Variants in ESRP1 observed in about 807,000 individuals in gnomAD.
The protein encoded by ESRP1 is epithelial splicing regulatory protein 1.
A neutral mutation model predicts 81.7 loss-of-function variants in ESRP1; 33 were observed. The observed-to-expected ratio is 0.40, with a 90% CI of 0.31 to 0.54. The LOEUF (loss-of-function observed/expected upper bound fraction) is 0.54. Ranked by LOEUF, ESRP1 falls within the 20% of genes least tolerant of loss-of-function variation. ESRP1 has a pLI of 0.41. For synonymous variants in ESRP1, 320 were observed against 303.3 expected (o/e 1.06, Z -0.57); for missense variants, 672 against 833.1 (o/e 0.81, Z 2.38).
Position 94,641,454 on chromosome 8 carries a change from T to G in ESRP1, c.132+4T>G. 1 of 1,613,694 alleles carries G rather than the reference T, an allele frequency of 6.2e-7. No homozygotes were observed. The highest frequency in any genetic ancestry group is 8.5e-7 in the Non-Finnish European group (1 of 1,179,804). ...CGTGGATCTGGCCAACAAGAAGGTA[T>G]TTCTCCACATTTTCGTCTAAATGCA... is the stretch of plus-strand genomic sequence containing the variant. On this transcript the variant is annotated splice_donor_region_variant and intron_variant, in intron 1 of 15. Coordinates refer to ENST00000433389, the MANE Select transcript of ESRP1 (RefSeq NM_017697.4).
chr8:94,646,349 C>CT, intron 4 of ESRP1, 67 bp downstream of exon 4: 1 of 1,087,640 alleles, frequency 9.2e-7, no homozygotes, highest in Non-Finnish European at 1.3e-6. Context: ...ATTCAAGAAA[C>CT]TTTCAAACAT....
chr8:94,683,673 ATAATAG>A (rs1464654089), intron 13 of ESRP1, among the ~76,000 whole-genome samples: 1 of 152,226 alleles, frequency 6.6e-6, no homozygotes, highest in Non-Finnish European at 1.5e-5. Flanking sequence ...GATGCTAGAA[ATAATAG>A]TAATAGTGAT....
intron 14 of ESRP1, among the ~76,000 whole-genome samples, chr8:94,695,685 T>C (rs978757433): frequency 1.4e-5 from 2 of 146,322 alleles, no homozygotes; most frequent in Non-Finnish European, 2.9e-5. Flanking sequence ...CTATCTGTTC[T>C]GAAGCTGAAG....
In ESRP1 at chr8:94,650,263, G is replaced by GTT. The variant is rs137931621; in HGVS notation, c.490+3989_490+3990dup. Among the ~76,000 whole-genome samples the GTT allele has an allele frequency of 3.5e-4, 47 of 135,100 alleles. 1 individual carries two copies. Among genetic ancestry groups the GTT allele is most frequent in the Middle Eastern group, 3.6e-3 (1 of 274 alleles). 88.6% of individuals were successfully genotyped at this position (135,100 alleles called of 152,430 possible). A position where few individuals can be genotyped will look rare whatever the true frequency, so the allele number is the denominator to read the frequency against. The stretch of plus-strand genomic sequence containing the variant: ...AGTATAGAATTTTTTTGTTTGTTTT[G>GTT]TTTTTTTTTACCTGCTACCTTAAAG... On this transcript the variant is annotated intron_variant, in intron 4 of 15. Transcript: ENST00000433389.
At position 94,651,261 on chromosome 8, in the gene ESRP1, T is replaced by G. The variant is rs921860510; in HGVS notation, c.490+4979T>G. On this transcript the variant is annotated intron_variant, in intron 4 of 15. Coordinates refer to ENST00000433389, the MANE Select transcript of ESRP1 (RefSeq NM_017697.4). ...GGTCTTTTTTTTTTTTTTTTTTTTTTGGGCAAAGTCTCACTTTTGCTCAGG... is the reference window on the plus strand; with the variant it reads ...GGTCTTTTTTTTTTTTTTTTTTTTTGGGGCAAAGTCTCACTTTTGCTCAGG... Among the ~76,000 whole-genome samples, 13 of 132,862 alleles carry G rather than the reference T, an allele frequency of 9.8e-5. No homozygotes were observed. In the South Asian group the frequency reaches 1.1e-3, roughly 11 times the overall value. The allele number at this position is 132,862 out of a possible 152,430, so 87.2% of individuals were successfully genotyped here.
At chr8:94,690,210 A>C (rs571675067) in intron 13 of ESRP1, among the ~76,000 whole-genome samples, 1 of 150,896 alleles carries the variant, frequency 6.6e-6, no homozygotes, top group South Asian at 2.1e-4. Flanking sequence ...TCCTGGCCTA[A>C]AGTGATCACC....
intron 13 of ESRP1, among the ~76,000 whole-genome samples, chr8:94,686,535 G>C (rs1322128732): frequency 1.3e-5 from 2 of 152,150 alleles, no homozygotes; most frequent in Non-Finnish European, 2.9e-5. Context: ...TCCAGCTCAA[G>C]GACAGTCTCC....
At chr8:94,699,556 A>G (rs947394153) in intron 15 of ESRP1, among the ~76,000 whole-genome samples, 2 of 152,068 alleles carry the variant, frequency 1.3e-5, no homozygotes, top group Non-Finnish European at 2.9e-5. Context: ...AGGAGGGTCA[A>G]TTGAGTCCAG....
intron 15 of ESRP1, among the ~76,000 whole-genome samples, chr8:94,697,720 C>A (rs1809659973): frequency 1.3e-5 from 2 of 152,112 alleles, no homozygotes; most frequent in Admixed American, 1.3e-4. Flanking sequence ...GGAGTATAAT[C>A]ACTGAGTCAT....
rs12677519 is a variant in ESRP1 at position 94,678,351 on chromosome 8, T to G, written c.1800T>G (p.Asn600Lys). 6.2e-7 allele frequency: 1 copy of G among 1,613,684 alleles called. No individual in the cohort carries two copies. The highest frequency in any genetic ancestry group is 8.5e-7 in the Non-Finnish European group (1 of 1,179,818). ...YYPAGTQLFM[N>K]YTAYYPSPPG... ...CAGCAGGCACTCAGCTCTTCATGAA[T>G]TACACAGCGTACTATCCCAGGTAAG... Residue 600 changes from asparagine to lysine, a missense_variant, in exon 13 of 16, where the codon AAT becomes AAG. Asn to Lys is a moderately conservative substitution (Grantham distance 94). Coordinates refer to ENST00000433389, the MANE Select transcript of ESRP1 (RefSeq NM_017697.4).
chr8:94,704,548 G>C (rs769037314), intron 15 of ESRP1, among the ~76,000 whole-genome samples: 18 of 151,952 alleles, frequency 1.2e-4, no homozygotes, highest in Non-Finnish European at 2.4e-4. Context: ...AGGATTGCTC[G>C]AGGCCTGGAG....
intron 3 of ESRP1, among the ~76,000 whole-genome samples, chr8:94,644,891 T>G (rs1817768475): frequency 6.6e-6 from 1 of 152,212 alleles, no homozygotes; most frequent in Non-Finnish European, 1.5e-5. Context: ...CATGAATGTA[T>G]TTGGATATAT....
rs752406942 is a variant in ESRP1 at position 94,671,689 on chromosome 8, T to C, written c.1452+18T>C. 8 of 1,601,014 alleles carry C rather than the reference T, an allele frequency of 5.0e-6. No individual in the cohort carries two copies. Among genetic ancestry groups the C allele is most frequent in the Admixed American group, 1.7e-5 (1 of 59,030 alleles). ...ATCACCAGGTAAGAAAGATACTTAG[T>C]GGAAAACTTATTTGCTTTTTCTCAC... On this transcript the variant is annotated intron_variant, in intron 11 of 15. Coordinates refer to ENST00000433389, the MANE Select transcript of ESRP1 (RefSeq NM_017697.4).
chr8:94,667,432 A>C (rs568235555), intron 9 of ESRP1, among the ~76,000 whole-genome samples: 1 of 79,026 alleles, frequency 1.3e-5, no homozygotes, highest in South Asian at 6.0e-4. Flanking sequence ...AACCTTTCTT[A>C]ATTAAAAAAA....
intron 4 of ESRP1, among the ~76,000 whole-genome samples, chr8:94,659,489 G>A (rs1483935000): frequency 1.3e-5 from 2 of 152,130 alleles, no homozygotes; most frequent in Non-Finnish European, 2.9e-5. Flanking sequence ...CCTATTCCCT[G>A]AAACACAATA....
chr8:94,662,460 CCTAATCA>C, intron 5 of ESRP1, 34 bp from the exon 6 acceptor site: 1 of 1,574,238 alleles, frequency 6.4e-7, no homozygotes, highest in Non-Finnish European at 8.6e-7. Context: ...ACTTTGTCTC[CCTAATCA>C]CTAAAATGAT....
chr8:94,652,574 A>T (rs60290318), intron 4 of ESRP1, among the ~76,000 whole-genome samples: 25,102 of 151,124 alleles, frequency 0.17, 2,153 homozygotes, highest in Admixed American at 0.23. Context: ...TCTTTTATTC[A>T]TTTTCTTTTA....
At chr8:94,686,165 GT>G (rs2130695047) in intron 13 of ESRP1, among the ~76,000 whole-genome samples, 1 of 152,262 alleles carries the variant, frequency 6.6e-6, no homozygotes, top group East Asian at 1.9e-4. Flanking sequence ...CTGACCTCCA[GT>G]GATCCACCCG....
intron 10 of ESRP1, among the ~76,000 whole-genome samples, chr8:94,670,241 T>C (rs1199009275): frequency 3.9e-5 from 6 of 152,238 alleles, no homozygotes; most frequent in Non-Finnish European, 7.4e-5. Flanking sequence ...ACTAGTCATT[T>C]TATTCAGTAA....
Sources: gnomAD v4.1 joint callset for allele counts (sites outside exome capture counted in the v4.1 genomes callset) on GRCh38, gnomAD v4.1.1 for gene constraint, MANE v1.5 for transcripts, NCBI Gene and HGNC (gene_info 2026-07-23, HGNC 2026-07-21) for gene names.